The following PCDHGA5 variants were observed in gnomAD, a reference collection of about 807,000 sequenced individuals.
The protein encoded by PCDHGA5 is protocadherin gamma subfamily A, 5, also known as protocadherin gamma-A5.
A neutral mutation model predicts 56.7 loss-of-function variants in PCDHGA5; 36 were observed. The ratio of observed to expected loss-of-function variants is 0.64; its 90% confidence interval spans 0.49 to 0.84. The LOEUF is 0.84. PCDHGA5 is among the 40% of genes least tolerant of loss of function. The pLI is 0.00. For missense variants in PCDHGA5, 1,305 were observed against 1,201.5 expected, an observed-to-expected ratio of 1.09 and a Z score of -1.27; for synonymous variants, 563 against 520.2, an observed-to-expected ratio of 1.08 and a Z score of -1.12.
intron 2 of PCDHGA5, among the ~76,000 whole-genome samples, chr5:141,503,222 G>A (rs540244346): frequency 2.2e-4 from 34 of 152,120 alleles, no homozygotes; most frequent in African/African-American, 7.7e-4. Context: ...CATGAGCACC[G>A]TAAAGATGGA....
At chr5:141,423,980 G>A (rs2154550577) in intron 1 of PCDHGA5, 1 of 1,110,878 alleles carries the variant, frequency 9.0e-7, no homozygotes, top group South Asian at 4.5e-5. Flanking sequence ...AGTGTATGAG[G>A]CTCTCAATTT....
intron 1 of PCDHGA5, chr5:141,389,833 C>T (rs1561628239): frequency 6.2e-7 from 1 of 1,613,996 alleles, no homozygotes; most frequent in East Asian, 2.2e-5. Flanking sequence ...GGTGGACAGC[C>T]ACCACTCTCG....
chr5:141,393,481 C>G (rs368525192), intron 1 of PCDHGA5: 11 of 1,613,948 alleles, frequency 6.8e-6, no homozygotes, highest in African/African-American at 5.3e-5. Flanking sequence ...CCGCCTCGCT[C>G]TAGCACAGTG....
Position 141,421,312 on chromosome 5 carries a change from G to A in PCDHGA5, c.2421+54561G>A, listed in dbSNP as rs375071225. ...CCTGGGGACGCTGCGGGGGTTCCGGGCCAGGCAGATCCGATATTCGGTGCC... is the reference window on the plus strand; with the variant it reads ...CCTGGGGACGCTGCGGGGGTTCCGGACCAGGCAGATCCGATATTCGGTGCC... On this transcript the variant is annotated intron_variant, in intron 1 of 3. Coordinates refer to ENST00000518069, the MANE Select transcript of PCDHGA5 (RefSeq NM_018918.3). The A allele has an allele frequency of 1.9e-5, 31 of 1,613,630 alleles. No homozygotes were observed. The highest frequency in any genetic ancestry group is 1.4e-5 in the Non-Finnish European group (17 of 1,179,886).
intron 1 of PCDHGA5, chr5:141,370,705 T>A: frequency 6.2e-7 from 1 of 1,613,842 alleles, no homozygotes; most frequent in Non-Finnish European, 8.5e-7. Context: ...ACGTGTGTTC[T>A]GGAATTTGAA....
At chr5:141,457,356 C>G (rs2098917888) in intron 1 of PCDHGA5, among the ~76,000 whole-genome samples, 1 of 152,170 alleles carries the variant, frequency 6.6e-6, no homozygotes, top group South Asian at 2.1e-4. Context: ...TTACCTGGCA[C>G]AATTTGCAAA....
intron 1 of PCDHGA5, chr5:141,403,447 C>G (rs1382965437): frequency 6.2e-7 from 1 of 1,613,924 alleles, no homozygotes; most frequent in Non-Finnish European, 8.5e-7. Context: ...TTGGCGTGAA[C>G]TCCCTCCAGA....
chr5:141,418,006 C>T, intron 1 of PCDHGA5: 7 of 1,613,896 alleles, frequency 4.3e-6, no homozygotes, highest in Non-Finnish European at 5.9e-6. Flanking sequence ...TGGTGGGGAA[C>T]CTCGCTAAGG....
Position 141,415,580 on chromosome 5 carries a change from A to C in PCDHGA5, c.2421+48829A>C, listed in dbSNP as rs773634634. The C allele has an allele frequency of 4.3e-6, 7 of 1,613,976 alleles. No individual in the cohort carries two copies. The Admixed American group carries it at 1.2e-4, about 27-fold the overall frequency. Reference sequence around the variant, plus strand: ...CCTTTGTCTTTGTTAGATGATTCGAAGTTTCCTATAGAGGATACCCCATTG... The same window carrying C: ...CCTTTGTCTTTGTTAGATGATTCGACGTTTCCTATAGAGGATACCCCATTG... On this transcript the variant is annotated intron_variant, in intron 1 of 3. Transcript: ENST00000518069.
Position 141,399,060 on chromosome 5 carries a change from T to C in PCDHGA5, c.2421+32309T>C, listed in dbSNP as rs903637711. 1.9e-5 allele frequency: 31 copies of C among 1,613,868 alleles called. No homozygotes were observed. In the African/African-American group the frequency reaches 2.8e-4, roughly 15 times the overall value. ...TGGATTTTGAAGAGACCAAGGAATA[T>C]TCAATGGTTGTAGAAGGGAGGGATG... On this transcript the variant is annotated intron_variant, in intron 1 of 3. Coordinates refer to ENST00000518069, the MANE Select transcript of PCDHGA5 (RefSeq NM_018918.3).
rs375260597 is a variant in PCDHGA5 at position 141,388,655 on chromosome 5, G to C, written c.2421+21904G>C. On this transcript the variant is annotated intron_variant, in intron 1 of 3. Coordinates refer to ENST00000518069, the MANE Select transcript of PCDHGA5 (RefSeq NM_018918.3). Reference sequence around the variant, plus strand: ...TGAGCCTTTCAGAAAACGTGTACCCGGGGACCACGGTGCTACAGGTGACTG... The same window carrying C: ...TGAGCCTTTCAGAAAACGTGTACCCCGGGACCACGGTGCTACAGGTGACTG... The C allele has an allele frequency of 1.9e-6, 3 of 1,613,808 alleles. No individual in the cohort carries two copies. In the African/African-American group the frequency reaches 4.0e-5, roughly 22 times the overall value.
rs752957428 is a variant in PCDHGA5, at chr5:141,365,947, C to A, written c.1617C>A (p.Asn539Lys). ...QLWVTASDSG[N>K]PPLSSNVSLS... ...GGGTGACAGCCAGCGACAGTGGGAA[C>A]CCTCCACTTAGCAGCAACGTGTCGC... Residue 539 changes from asparagine (N) to lysine (K), a missense_variant, in exon 1 of 4, where the codon AAC becomes AAA. Transcript: ENST00000518069. The A allele has an allele frequency of 6.2e-7, 1 of 1,613,770 alleles. No homozygotes were observed. The highest frequency in any genetic ancestry group is 2.2e-5 in the East Asian group (1 of 44,884).
chr5:141,506,801 C>A (rs1322016728), intron 3 of PCDHGA5, among the ~76,000 whole-genome samples: 2 of 152,166 alleles, frequency 1.3e-5, no homozygotes, highest in Non-Finnish European at 2.9e-5. Flanking sequence ...GGCAGAGGAT[C>A]AAGGCATTGC....
chr5:141,467,296 A>G lies in PCDHGA5; in HGVS notation c.2422-27511A>G, dbSNP rs1032802325. Among the ~76,000 whole-genome samples the G allele has an allele frequency of 6.6e-5, 10 of 151,858 alleles. No individual in the cohort carries two copies. The East Asian group carries it at 9.7e-4, about 15-fold the overall frequency. On this transcript the variant is annotated intron_variant, in intron 1 of 3. Transcript: ENST00000518069. The stretch of plus-strand genomic sequence containing the variant: ...TCGAACTCTTGACCTCAAGTGATCC[A>G]CTCACCTCGGCCTCCCACAGTGCTG...
intron 1 of PCDHGA5, chr5:141,421,090 G>C (rs552694052): frequency 1.5e-6 from 1 of 661,192 alleles, no homozygotes; most frequent in Admixed American, 3.2e-5. Context: ...CACAGATCCT[G>C]ACACTGGAGA....
Position 141,366,323 on chromosome 5 carries a change from G to A in PCDHGA5, c.1993G>A (p.Ala665Thr). 6.2e-7 allele frequency: 1 copy of A among 1,613,796 alleles called. No homozygotes were observed. Among genetic ancestry groups the A allele is most frequent in the Non-Finnish European group, 8.5e-7 (1 of 1,179,984 alleles). ...CACCTTCACGGTCACCGTTGCCGTG[G>A]CCGACAGGATCCCTGACATCCTGGC... is the stretch of plus-strand genomic sequence containing the variant. ...SATFTVTVAV[A>T]DRIPDILADL... Residue 665 changes from alanine to threonine, a missense_variant, in exon 1 of 4, where the codon GCC (alanine) becomes ACC (threonine). By Grantham distance (58) the Ala-to-Thr change is moderately conservative. Coordinates refer to ENST00000518069, the MANE Select transcript of PCDHGA5 (RefSeq NM_018918.3).
In PCDHGA5 at chr5:141,491,801, G is replaced by C; in HGVS notation, c.2422-3006G>C. 1 of 1,500,844 alleles carries C rather than the reference G, an allele frequency of 6.7e-7. No individual in the cohort carries two copies. Among genetic ancestry groups the C allele is most frequent in the Non-Finnish European group, 8.9e-7 (1 of 1,125,292 alleles). The allele number at this position is 1,500,844 out of a possible 1,614,324, so 93.0% of individuals were successfully genotyped here. The stretch of plus-strand genomic sequence containing the variant: ...AACTTGCATCCACTCCTCTCCGGCC[G>C]GCTTGGTCGCTGGCTGCGCTCCACC... On this transcript the variant is annotated intron_variant, in intron 1 of 3. Coordinates refer to ENST00000518069, the MANE Select transcript of PCDHGA5 (RefSeq NM_018918.3). The surrounding 1 kb of genome is among the most constrained non-coding windows in gnomAD (Gnocchi z 6.9).
Position 141,366,386 on chromosome 5 carries a change from G to A in PCDHGA5, c.2056G>A (p.Asp686Asn), listed in dbSNP as rs1368197545. The change falls in exon 1 of 4, where the codon GAT becomes AAT. Residue 686 changes from aspartate to asparagine, a missense_variant. Transcript: ENST00000518069. The stretch of plus-strand genomic sequence containing the variant: ...TATCAAGACCCCCATTGACCCTGAG[G>A]ATCTGGACCTCACACTCTATCTTGT... ...GSIKTPIDPE[D>N]LDLTLYLVVA... is the part of the protein sequence containing the mutation. The A allele has an allele frequency of 2.5e-6, 4 of 1,614,164 alleles. No homozygotes were observed. The highest frequency in any genetic ancestry group is 3.4e-6 in the Non-Finnish European group (4 of 1,180,050).
At chr5:141,409,988 G>GC (rs1561724887) in intron 1 of PCDHGA5, 1 of 1,613,278 alleles carries the variant, frequency 6.2e-7, no homozygotes, top group Non-Finnish European at 8.5e-7. Flanking sequence ...AGCGGTGGAC[G>GC]CCGACTCGGG....
Sources: allele counts gnomAD v4.1 joint callset (sites outside exome capture counted in the v4.1 genomes callset), GRCh38; gene constraint gnomAD v4.1.1; non-coding constraint Gnocchi (gnomAD v3.1); transcripts MANE v1.5; gene names NCBI Gene and HGNC (gene_info 2026-07-23, HGNC 2026-07-21).